The following AAMDC variants were observed in gnomAD, a reference collection of about 807,000 sequenced individuals.
AAMDC encodes mth938 domain-containing protein.
In AAMDC, 16 loss-of-function variants were observed where a neutral mutation model predicts 15.5. That is an observed-to-expected ratio of 1.03 (90% confidence interval 0.70 to 1.57). AAMDC has a LOEUF of 1.57. Among genes scored for constraint, AAMDC ranks in the 40% most tolerant of loss-of-function variants. The pLI is 0.00. For missense variants in AAMDC, 141 were observed against 144.9 expected (o/e 0.97, Z 0.14); for synonymous variants, 51 against 51.6 (o/e 0.99, Z 0.05).
At chr11:77,831,008 A>G (rs1949399542) in intron 1 of AAMDC, among the ~76,000 whole-genome samples, 1 of 144,542 alleles carries the variant, frequency 6.9e-6, no homozygotes, top group Admixed American at 7.1e-5. Context: ...AAAAAAAAAA[A>G]AATAGCCAGA....
chr11:77,869,360 TGGAGTGCAGTG>T (rs1466977279), intron 2 of AAMDC, among the ~76,000 whole-genome samples: 1 of 143,884 alleles, frequency 7.0e-6, no homozygotes, highest in African/African-American at 2.6e-5. Context: ...TTGCCCAGGA[TGGAGTGCAGTG>T]GTGCAGTCAT....
intron 5 of AAMDC, among the ~76,000 whole-genome samples, chr11:77,889,182 CCAA>C (rs1358775976): frequency 6.6e-6 from 1 of 152,158 alleles, no homozygotes; most frequent in Non-Finnish European, 1.5e-5. Flanking sequence ...ACCCAAATGT[CCAA>C]CAACGATAGA....
chr11:77,846,072 C>G (rs1411565911), intron 2 of AAMDC, among the ~76,000 whole-genome samples: 3 of 152,054 alleles, frequency 2.0e-5, no homozygotes, highest in African/African-American at 7.2e-5. Context: ...ATCAACTCCC[C>G]CTCCCATTCT....
At chr11:77,857,196 T>C (rs908697954) in intron 2 of AAMDC, among the ~76,000 whole-genome samples, 9 of 152,174 alleles carry the variant, frequency 5.9e-5, no homozygotes, top group Non-Finnish European at 1.3e-4. Context: ...AGTGCCACGG[T>C]AGATGAACCA....
At chr11:77,845,947 T>A (rs190711193) in intron 2 of AAMDC, among the ~76,000 whole-genome samples, 1 of 152,164 alleles carries the variant, frequency 6.6e-6, no homozygotes, top group African/African-American at 2.4e-5. Flanking sequence ...AATCCCCATA[T>A]GGACCTGCCT....
Position 77,855,952 on chromosome 11 carries a change from T to C in AAMDC, c.132+13324T>C, listed in dbSNP as rs113493662. 5.7e-3 allele frequency among the ~76,000 whole-genome samples: 870 copies of C among 152,106 alleles called. 6 individuals carry two copies. Among genetic ancestry groups the C allele is most frequent in the African/African-American group, 0.018 (749 of 41,514 alleles). Reference sequence around the variant, plus strand: ...GGGCAACATGGCAAAACCCTGGCTCTAGCAAAAACACACAAATTTCACTGT... The same window carrying C: ...GGGCAACATGGCAAAACCCTGGCTCCAGCAAAAACACACAAATTTCACTGT... On this transcript the variant is annotated intron_variant, in intron 2 of 3. Transcript: ENST00000393427.
chr11:77,842,669 C>G (rs1949983104), intron 2 of AAMDC, 41 bp downstream of exon 2: 2 of 1,599,898 alleles, frequency 1.3e-6, no homozygotes, highest in Non-Finnish European at 8.5e-7. Context: ...TGAGGCTGAC[C>G]AAGTGATTTC....
intron 5 of AAMDC, among the ~76,000 whole-genome samples, chr11:77,889,898 T>C (rs1308538874): frequency 3.9e-5 from 6 of 152,192 alleles, no homozygotes; most frequent in African/African-American, 7.2e-5. Context: ...TTAAGTAACC[T>C]GCCTACAATC....
chr11:77,852,166 G>A (rs1277805554), intron 2 of AAMDC, among the ~76,000 whole-genome samples: 1 of 126,780 alleles, frequency 7.9e-6, no homozygotes, highest in Non-Finnish European at 1.6e-5. Context: ...TTGTGCCCAG[G>A]AGGTCAAGGC....
At chr11:77,861,170 G>A (rs768566504) in intron 2 of AAMDC, among the ~76,000 whole-genome samples, 10 of 152,100 alleles carry the variant, frequency 6.6e-5, no homozygotes, top group African/African-American at 9.7e-5. Context: ...TCAAGCAGGG[G>A]ACAACAAATG....
In AAMDC at chr11:77,872,273, C is replaced by T. The variant is rs1198043269; in HGVS notation, c.327C>T (p.Ala109=). Residue 109 remains alanine (A), a synonymous_variant, in exon 4 of 4, where the codon GCC becomes GCT. Transcript: ENST00000393427. ...TGAAGGAGTATAATGCCTTGGTTGC[C>T]CAAGGGGTCAGGGTGGGAGGTGTCT... The part of the protein sequence containing the change: ...QAVKEYNALV[A]QGVRVGGVFH... 3.7e-6 allele frequency: 6 copies of T among 1,613,310 alleles called. No individual in the cohort carries two copies. The South Asian group carries it at 6.6e-5, about 18-fold the overall frequency.
chr11:77,902,058 G>A (rs1401861858), downstream of AAMDC, among the ~76,000 whole-genome samples: 2 of 152,144 alleles, frequency 1.3e-5, no homozygotes, highest in East Asian at 1.9e-4. Flanking sequence ...TCAAGTCCCC[G>A]ATCTTGCTCG....
intron 5 of AAMDC, among the ~76,000 whole-genome samples, chr11:77,878,153 G>A (rs947267952): frequency 1.3e-5 from 2 of 152,052 alleles, no homozygotes; most frequent in Non-Finnish European, 2.9e-5. Context: ...ACGAGGTCAG[G>A]AGATCAAGAC....
intron 2 of AAMDC, among the ~76,000 whole-genome samples, chr11:77,846,189 G>C (rs1344816576): frequency 1.3e-5 from 2 of 152,176 alleles, no homozygotes; most frequent in Non-Finnish European, 2.9e-5. Flanking sequence ...CCTTAGTGAT[G>C]AGCTAATGAT....
chr11:77,837,121 TTTTTTGTTTG>T (rs1360649648), intron 1 of AAMDC, among the ~76,000 whole-genome samples: 1 of 152,166 alleles, frequency 6.6e-6, no homozygotes, highest in Non-Finnish European at 1.5e-5. Context: ...TTTGTTTGAG[TTTTTTGTTTG>T]TTTGTTTGCT....
At chr11:77,887,724 T>A (rs886764592) in intron 5 of AAMDC, among the ~76,000 whole-genome samples, 4 of 152,130 alleles carry the variant, frequency 2.6e-5, no homozygotes, top group Non-Finnish European at 4.4e-5. Flanking sequence ...TTCAGCAAAG[T>A]CTCAGGATAC....
At chr11:77,898,351 A>T (rs934021717) in intron 5 of AAMDC, among the ~76,000 whole-genome samples, 6 of 151,998 alleles carry the variant, frequency 3.9e-5, no homozygotes, top group Admixed American at 1.3e-4. Context: ...TTTAGTAGAG[A>T]TGGGGTTTCA....
At chr11:77,873,464 A>T (rs1951511933), downstream of AAMDC, among the ~76,000 whole-genome samples, 1 of 152,206 alleles carries the variant, frequency 6.6e-6, no homozygotes, top group Non-Finnish European at 1.5e-5. Context: ...AGAATGTTGG[A>T]GCCCAAAGGA....
chr11:77,896,959 G>A (rs1952552570), intron 5 of AAMDC, among the ~76,000 whole-genome samples: 1 of 150,596 alleles, frequency 6.6e-6, no homozygotes, highest in African/African-American at 2.5e-5. Context: ...TGAAAAATAA[G>A]CTGTAGGGAA....
Sources: allele counts gnomAD v4.1 joint callset (sites outside exome capture counted in the v4.1 genomes callset), GRCh38; gene constraint gnomAD v4.1.1; transcripts MANE v1.5; gene names NCBI Gene and HGNC (gene_info 2026-07-23, HGNC 2026-07-21).